Variants in CFAP161 observed in about 807,000 individuals in gnomAD.
CFAP161 encodes cilia and flagella associated protein 161.
In CFAP161, 25 loss-of-function variants were observed where a neutral mutation model predicts 29.0. The ratio of observed to expected loss-of-function variants is 0.86; its 90% confidence interval spans 0.63 to 1.20. CFAP161 has a LOEUF of 1.20. Ranked by LOEUF, CFAP161 falls within the 50% of genes most tolerant of loss-of-function variation. The probability of loss-of-function intolerance (pLI) is 0.00; values close to 1 mark genes in which losing one functional copy is unlikely to be tolerated. For missense variants in CFAP161, 367 were observed against 371.9 expected, an observed-to-expected ratio of 0.99 and a Z score of 0.11; for synonymous variants, 116 against 137.4, an observed-to-expected ratio of 0.84 and a Z score of 1.09.
intron 1 of CFAP161, among the ~76,000 whole-genome samples, chr15:81,103,957 T>C (rs912517253): frequency 8.2e-6 from 1 of 121,588 alleles, no homozygotes; most frequent in African/African-American, 2.5e-5. Flanking sequence ...TCCTCTTCTA[T>C]GTTGATGGTT....
Position 81,125,860 on chromosome 15 carries a change from GTTTGTT to G in CFAP161, c.-141-1707_-141-1702del, listed in dbSNP as rs532050174. 5.3e-3 allele frequency among the ~76,000 whole-genome samples: 797 copies of G among 151,808 alleles called. 11 individuals carry two copies. The highest frequency in any genetic ancestry group is 0.018 in the African/African-American group (756 of 41,374). On this transcript the variant is annotated intron_variant, in intron 1 of 4. Coordinates refer to the CFAP161 transcript ENST00000560091. ...AGTATAACAACTCATTGTTTTTTTT[GTTTGTT>G]TTTGTTTTTGTTTTTGTTTTTGAGA...
chr15:81,105,788 G>A (rs1894365805), intron 1 of CFAP161, among the ~76,000 whole-genome samples: 2 of 152,214 alleles, frequency 1.3e-5, no homozygotes, highest in African/African-American at 4.8e-5. Flanking sequence ...AGGTTTTGGA[G>A]GATGGGTAGC....
At chr15:81,129,740 A>T (rs1422547695), upstream of CFAP161, among the ~76,000 whole-genome samples, 1 of 152,254 alleles carries the variant, frequency 6.6e-6, no homozygotes, top group Non-Finnish European at 1.5e-5. Context: ...GAAGGCAAGC[A>T]TTAACTTTTT....
At chr15:81,105,898 T>C (rs186671091) in intron 1 of CFAP161, among the ~76,000 whole-genome samples, 1 of 152,334 alleles carries the variant, frequency 6.6e-6, no homozygotes, top group Non-Finnish European at 1.5e-5. Flanking sequence ...AATTCACTGA[T>C]GTGGCAGGTG....
At chr15:81,105,138 C>CCCCTCCCTCCCTCCCT (rs1231871114) in intron 1 of CFAP161, among the ~76,000 whole-genome samples, 1 of 25,928 alleles carries the variant, frequency 3.9e-5, no homozygotes, top group African/African-American at 1.7e-4. Flanking sequence ...TCTCCCCCCT[C>CCCCTCCCTCCCTCCCT]CCCTCCCTCC....
chr15:81,142,034 C>A (rs1894918324), intron 4 of CFAP161, among the ~76,000 whole-genome samples: 1 of 152,126 alleles, frequency 6.6e-6, no homozygotes, highest in South Asian at 2.1e-4. Context: ...AAGGCACCAT[C>A]ATCCAGGGCC....
At chr15:81,133,617 CAG>C (rs1158053699), upstream of CFAP161, among the ~76,000 whole-genome samples, 3 of 151,146 alleles carry the variant, frequency 2.0e-5, no homozygotes, top group East Asian at 5.9e-4. Context: ...CTGGCTACAG[CAG>C]AGTCTGGTTT....
At chr15:81,144,358 G>C (rs766670820) in intron 5 of CFAP161, among the ~76,000 whole-genome samples, 2 of 152,234 alleles carry the variant, frequency 1.3e-5, no homozygotes, top group Non-Finnish European at 2.9e-5. Context: ...ACTTTGGGAG[G>C]CTAAGGCGGG....
At chr15:81,121,113 TCACA>T (rs1006907539) in intron 1 of CFAP161, among the ~76,000 whole-genome samples, 43 of 152,336 alleles carry the variant, frequency 2.8e-4, no homozygotes, top group African/African-American at 9.9e-4. Context: ...GCCAATTTGA[TCACA>T]CAAACAATTC....
chr15:81,139,603 T>C (rs922410446), intron 4 of CFAP161, among the ~76,000 whole-genome samples: 1 of 152,200 alleles, frequency 6.6e-6, no homozygotes, highest in African/African-American at 2.4e-5. Flanking sequence ...TGTGTGGCGG[T>C]ATCATAATTT....
At chr15:81,101,426 C>T (rs2141857925) in intron 1 of CFAP161, among the ~76,000 whole-genome samples, 1 of 144,900 alleles carries the variant, frequency 6.9e-6, no homozygotes, top group East Asian at 2.1e-4. Flanking sequence ...ACTTGGGAGG[C>T]TGAGGCGGGA....
intron 1 of CFAP161, among the ~76,000 whole-genome samples, chr15:81,118,679 C>T (rs2663940): frequency 0.51 from 78,326 of 152,208 alleles, 22,924 homozygotes; most frequent in Non-Finnish European, 0.68. Context: ...ACGAGGGCCG[C>T]ACCGGGCTGT....
upstream of CFAP161, chr15:81,134,154 A>G (rs1595916384): frequency 1.7e-5 from 11 of 648,316 alleles, no homozygotes; most frequent in Non-Finnish European, 2.9e-5. Flanking sequence ...AGGGCCACAG[A>G]CAGCCGCTGA....
At chr15:81,104,512 G>A (rs937326104) in intron 1 of CFAP161, among the ~76,000 whole-genome samples, 1 of 152,224 alleles carries the variant, frequency 6.6e-6, no homozygotes, top group African/African-American at 2.4e-5. Flanking sequence ...CCATGAGTGG[G>A]ACTTAGGCTG....
intron 1 of CFAP161, among the ~76,000 whole-genome samples, chr15:81,115,918 G>C (rs778376761): frequency 6.6e-6 from 1 of 150,746 alleles, no homozygotes; most frequent in Non-Finnish European, 1.5e-5. Flanking sequence ...GAGCTCCTGG[G>C]CTCAAGCAAT....
intron 1 of CFAP161, among the ~76,000 whole-genome samples, chr15:81,102,107 C>A (rs1431215842): frequency 6.6e-6 from 1 of 152,096 alleles, no homozygotes; most frequent in Admixed American, 6.6e-5. Context: ...CATGTGGCAG[C>A]CAAACTGTTA....
intron 1 of CFAP161, chr15:81,117,825 C>T: frequency 6.0e-6 from 2 of 335,976 alleles, no homozygotes; most frequent in Non-Finnish European, 1.2e-5. Context: ...CCTCTTCATC[C>T]AACTCCTCTT....
chr15:81,132,053 G>A (rs750843936), upstream of CFAP161, among the ~76,000 whole-genome samples: 155 of 152,238 alleles, frequency 1.0e-3, no homozygotes, highest in African/African-American at 3.5e-3. Context: ...GAGGAGGGCC[G>A]ATCACTTGAG....
intron 1 of CFAP161, among the ~76,000 whole-genome samples, chr15:81,112,732 A>G (rs1325993474): frequency 1.3e-5 from 2 of 152,232 alleles, no homozygotes; most frequent in Non-Finnish European, 2.9e-5. Context: ...CTAGAGGACC[A>G]CTGCTGAGAG....
Sources: gnomAD v4.1 joint callset for allele counts (sites outside exome capture counted in the v4.1 genomes callset) on GRCh38, gnomAD v4.1.1 for gene constraint, MANE v1.5 for transcripts, NCBI Gene and HGNC (gene_info 2026-07-23, HGNC 2026-07-21) for gene names.